Variants in NTM observed in about 807,000 individuals in gnomAD.
NTM encodes the protein IgLON family member 2.
Under a neutral mutation model 42.1 loss-of-function variants are expected in NTM, and 13 were observed. The ratio of observed to expected loss-of-function variants is 0.31; its 90% CI spans 0.20 to 0.49. The LOEUF (loss-of-function observed/expected upper bound fraction) is 0.49, where lower values mean the gene tolerates loss of function less well. Among genes scored for constraint, NTM ranks in the 20% least tolerant of loss-of-function variants. The probability of loss-of-function intolerance (pLI) is 0.99; values close to 1 mark genes in which losing one functional copy is unlikely to be tolerated. For synonymous variants in NTM, 187 were observed against 179.2 expected, an observed-to-expected ratio of 1.04 and a Z score of -0.35; for missense variants, 373 against 452.8, an observed-to-expected ratio of 0.82 and a Z score of 1.60.
At chr11:131,544,351 G>A (rs567813238) in intron 1 of NTM, among the ~76,000 whole-genome samples, 1 of 152,170 alleles carries the variant, frequency 6.6e-6, no homozygotes, top group South Asian at 2.1e-4. Context: ...TTCAGTGCCT[G>A]GTTCGTTTGT....
chr11:132,020,790 G>A (rs1362706210), intron 2 of NTM, among the ~76,000 whole-genome samples: 1 of 151,870 alleles, frequency 6.6e-6, no homozygotes, highest in East Asian at 1.9e-4. Flanking sequence ...TAATTTTTTT[G>A]GATGGCTATC....
chr11:131,716,489 G>A (rs1399213874), intron 1 of NTM, among the ~76,000 whole-genome samples: 1 of 152,102 alleles, frequency 6.6e-6, no homozygotes, highest in East Asian at 1.9e-4. Flanking sequence ...CCCACCAGCA[G>A]TATATGACAG....
chr11:132,214,808 G>A (rs1440138088), intron 4 of NTM, among the ~76,000 whole-genome samples: 1 of 152,186 alleles, frequency 6.6e-6, no homozygotes, highest in Non-Finnish European at 1.5e-5. Flanking sequence ...AACAGAAGAT[G>A]GAGCAAGGAA....
rs80054311 is a variant in NTM at position 131,939,838 on chromosome 11, G to A, written c.167+28190G>A. On this transcript the variant is annotated intron_variant, in intron 2 of 8. Transcript: ENST00000683400. ...ATGATGTTATGCTCTGTGTACAGAG[G>A]GGCAAATTAGGAGAGTAGCAAGGAG... Among the ~76,000 whole-genome samples the A allele has an allele frequency of 5.5e-4, 83 of 152,202 alleles. 2 individuals carry two copies. In the East Asian group the frequency reaches 0.015, roughly 28 times the overall value.
rs141275517 is a variant in NTM, at chr11:131,988,670, C to T, written c.167+77022C>T. 3.0e-3 allele frequency among the ~76,000 whole-genome samples: 454 copies of T among 152,230 alleles called. 5 individuals are homozygous for T. Among genetic ancestry groups the T allele is most frequent in the African/African-American group, 0.01 (423 of 41,532 alleles). On this transcript the variant is annotated intron_variant, in intron 2 of 8. Coordinates refer to ENST00000683400, the MANE Select transcript of NTM (RefSeq NM_001352005.2). The stretch of plus-strand genomic sequence containing the variant: ...GCCACATCCATTTAAATCAGAGATT[C>T]GCTAGAGAAATTGATATGTGTGGTT...
chr11:131,899,895 G>A (rs2052878429), intron 1 of NTM, among the ~76,000 whole-genome samples: 1 of 152,136 alleles, frequency 6.6e-6, no homozygotes, highest in Non-Finnish European at 1.5e-5. Context: ...GTAGAGATTT[G>A]GAAGTCCCTA....
intron 3 of NTM, among the ~76,000 whole-genome samples, chr11:132,160,387 C>A (rs1246716075): frequency 1.3e-5 from 2 of 152,192 alleles, no homozygotes; most frequent in Non-Finnish European, 1.5e-5. Flanking sequence ...GGAAGGGGAG[C>A]TGAAGCAGGC....
chr11:131,432,154 AC>A (rs1948707840), intron 1 of NTM, among the ~76,000 whole-genome samples: 1 of 152,140 alleles, frequency 6.6e-6, no homozygotes, highest in Non-Finnish European at 1.5e-5. Context: ...CAGGGGGAGT[AC>A]TACATTCCTC....
At chr11:132,161,024 C>T (rs1487285287) in intron 3 of NTM, among the ~76,000 whole-genome samples, 1 of 152,168 alleles carries the variant, frequency 6.6e-6, no homozygotes, top group Non-Finnish European at 1.5e-5. Context: ...AGGAGAATTC[C>T]TCACTTGGTT....
chr11:132,286,261 T>C (rs947645766), intron 4 of NTM, among the ~76,000 whole-genome samples: 8 of 152,052 alleles, frequency 5.3e-5, no homozygotes, highest in Non-Finnish European at 1.2e-4. Flanking sequence ...AGCTAAAACA[T>C]AAACGAGTCT....
At chr11:131,398,623 T>C (rs552571887) in intron 1 of NTM, among the ~76,000 whole-genome samples, 1 of 152,344 alleles carries the variant, frequency 6.6e-6, no homozygotes, top group Admixed American at 6.5e-5. Flanking sequence ...GTTCTAATTT[T>C]TTGCTGTTGT....
At chr11:131,789,636 A>AAGAAGAAGAAGAAGAAGAAAGAAGAAG (rs1555127950) in intron 1 of NTM, among the ~76,000 whole-genome samples, 2 of 30,900 alleles carry the variant, frequency 6.5e-5, no homozygotes, top group African/African-American at 2.4e-4. Context: ...AAGAAGAAGA[A>AAGAAGAAGAAGAAGAAGAAAGAAGAAG]AAGAAGAAGA....
intron 1 of NTM, among the ~76,000 whole-genome samples, chr11:131,780,002 C>G (rs2087764262): frequency 6.6e-6 from 1 of 152,212 alleles, no homozygotes; most frequent in African/African-American, 2.4e-5. Context: ...ATATCAGAAT[C>G]TCTGCCTTCA....
intron 2 of NTM, among the ~76,000 whole-genome samples, chr11:131,991,638 A>G (rs2067039218): frequency 6.6e-6 from 1 of 152,212 alleles, no homozygotes; most frequent in African/African-American, 2.4e-5. Flanking sequence ...TAGCTATTTT[A>G]GGACACAGGG....
chr11:132,223,171 G>T (rs1278364968), intron 4 of NTM, among the ~76,000 whole-genome samples: 1 of 152,198 alleles, frequency 6.6e-6, no homozygotes, highest in Non-Finnish European at 1.5e-5. Flanking sequence ...CACCTACTGT[G>T]TGTGGGGCAA....
intron 4 of NTM, among the ~76,000 whole-genome samples, chr11:132,307,345 G>A (rs1469780120): frequency 2.6e-5 from 4 of 152,102 alleles, no homozygotes; most frequent in African/African-American, 9.7e-5. Context: ...AAGAGTTAAG[G>A]TGCCTGACTC....
In NTM at chr11:131,599,354, G is replaced by GGCAGATGCCCTGTCTACCCAGTCTCCA. The variant is rs1565688067; in HGVS notation, c.82+228492_82+228493insAGCAGATGCCCTGTCTACCCAGTCTCC. Among the ~76,000 whole-genome samples the GGCAGATGCCCTGTCTACCCAGTCTCCA allele has an allele frequency of 4.3e-4, 65 of 151,950 alleles. 18 individuals carry two copies. The Middle Eastern group carries it at 0.01, about 24-fold the overall frequency. ...CAGATGCCCTGTCTACCCAGTCTCC[G>GGCAGATGCCCTGTCTACCCAGTCTCCA]GCAGATGCCCTGTCTACCCAGTCTC... On this transcript the variant is annotated intron_variant, in intron 1 of 8. Coordinates refer to ENST00000683400, the MANE Select transcript of NTM (RefSeq NM_001352005.2).
intron 1 of NTM, among the ~76,000 whole-genome samples, chr11:131,482,408 A>G (rs940366661): frequency 2.0e-5 from 3 of 152,098 alleles, no homozygotes; most frequent in African/African-American, 7.2e-5. Context: ...ATGGGCAAAA[A>G]TTGTTTCAGG....
rs954358436 is a variant in NTM, at chr11:131,428,158, C to A, written c.82+57270C>A. Among the ~76,000 whole-genome samples the A allele has an allele frequency of 9.2e-5, 14 of 152,186 alleles. 1 individual carries two copies. The highest frequency in any genetic ancestry group is 9.2e-4 in the Admixed American group (14 of 15,288). On this transcript the variant is annotated intron_variant, in intron 1 of 8. Coordinates refer to ENST00000683400, the MANE Select transcript of NTM (RefSeq NM_001352005.2). ...GTATGTAGAAAACGTTATTCTCAAACCTTCTCCTCCCCTTGATGTTATTAT... is the reference window on the plus strand; with the variant it reads ...GTATGTAGAAAACGTTATTCTCAAAACTTCTCCTCCCCTTGATGTTATTAT...
Sources: allele counts gnomAD v4.1 joint callset (sites outside exome capture counted in the v4.1 genomes callset), GRCh38; gene constraint gnomAD v4.1.1; transcripts MANE v1.5; gene names NCBI Gene and HGNC (gene_info 2026-07-23, HGNC 2026-07-21).